The following RFX7 variants were observed in gnomAD, a reference collection of about 807,000 sequenced individuals.
RFX7 encodes DNA-binding protein RFX7.
In RFX7, 26 loss-of-function variants were observed where a neutral mutation model predicts 111.8. That is an observed-to-expected ratio of 0.23 (90% CI 0.17 to 0.32). The LOEUF is 0.32. RFX7 is among the 10% of genes least tolerant of loss of function. RFX7 has a pLI of 1.00. For synonymous variants in RFX7, 624 were observed against 624.4 expected, an observed-to-expected ratio of 1.00 and a Z score of 0.01; for missense variants, 1,573 against 1,772.9, an observed-to-expected ratio of 0.89 and a Z score of 2.02.
chr15:56,227,998 T>C (rs569821423), intron 2 of RFX7, among the ~76,000 whole-genome samples: 1 of 152,278 alleles, frequency 6.6e-6, no homozygotes, highest in Non-Finnish European at 1.5e-5. Flanking sequence ...TTGGCGGTTT[T>C]ACTTTCTTTT....
chr15:56,220,524 C>T (rs761956871), intron 2 of RFX7, among the ~76,000 whole-genome samples: 3 of 150,366 alleles, frequency 2.0e-5, no homozygotes, highest in Non-Finnish European at 4.4e-5. Context: ...AGCCACCGCA[C>T]CTAGCCAAAT....
chr15:56,239,735 C>T (rs1393913835), intron 2 of RFX7, among the ~76,000 whole-genome samples: 1 of 152,046 alleles, frequency 6.6e-6, no homozygotes, highest in African/African-American at 2.4e-5. Flanking sequence ...TATGTTACAG[C>T]CTCACTGCAA....
chr15:56,184,997 A>G (rs2043023060), intron 2 of RFX7, among the ~76,000 whole-genome samples: 1 of 152,088 alleles, frequency 6.6e-6, no homozygotes, highest in Non-Finnish European at 1.5e-5. Context: ...ATCAGTTTTT[A>G]TTTTTTGTTT....
In RFX7 at chr15:56,103,537, AT is replaced by A. The variant is rs755063042; in HGVS notation, c.518+16del. On this transcript the variant is annotated intron_variant, in intron 6 of 9. Transcript: ENST00000559447. ...AGAACACAGAGATATTACTAACACC[AT>A]TCTGGTAAAGGATATTTAGATTTGC... 6.6e-7 allele frequency: 1 copy of A among 1,516,540 alleles called. No individual in the cohort carries two copies. The highest frequency in any genetic ancestry group is 1.4e-5 in the African/African-American group (1 of 73,126). The allele number at this position is 1,516,540 out of a possible 1,614,324, so 93.9% of individuals were successfully genotyped here.
chr15:56,140,855 G>A (rs938510339), intron 5 of RFX7, among the ~76,000 whole-genome samples: 9 of 152,186 alleles, frequency 5.9e-5, no homozygotes, highest in Non-Finnish European at 1.5e-5. Context: ...ACCATGTCTT[G>A]CCAAAGGCAG....
rs559357586 is a variant in RFX7, at chr15:56,223,734, T to C, written c.161+19391A>G. On this transcript the variant is annotated intron_variant, in intron 2 of 9. Transcript: ENST00000559447. ...CTTCGGGTATATTTTCTTCTACTTA[T>C]ATATTTGTAACATCTTTCAAGACCA... is the stretch of plus-strand genomic sequence containing the variant. Among the ~76,000 whole-genome samples, 31 of 152,320 alleles carry C rather than the reference T, an allele frequency of 2.0e-4. No homozygotes were observed. In the South Asian group the frequency reaches 5.4e-3, roughly 26 times the overall value.
chr15:56,167,349 C>T (rs2042795326), intron 3 of RFX7, among the ~76,000 whole-genome samples: 1 of 152,032 alleles, frequency 6.6e-6, no homozygotes, highest in Admixed American at 6.6e-5. Context: ...CATTTTAGTC[C>T]CTAACTATAC....
chr15:56,110,206 G>A (rs1176878870), intron 5 of RFX7, among the ~76,000 whole-genome samples: 5 of 118,562 alleles, frequency 4.2e-5, no homozygotes, highest in Admixed American at 1.7e-4. Context: ...CTGCCTGGCC[G>A]CCCCTACTGG....
chr15:56,173,887 G>A (rs181730860), intron 3 of RFX7, among the ~76,000 whole-genome samples: 1 of 152,184 alleles, frequency 6.6e-6, no homozygotes, highest in Admixed American at 6.5e-5. Flanking sequence ...ATGATAAGAT[G>A]ATAGAGAAAA....
chr15:56,169,330 AT>A (rs1194005954), intron 3 of RFX7, among the ~76,000 whole-genome samples: 3 of 152,206 alleles, frequency 2.0e-5, no homozygotes, highest in African/African-American at 4.8e-5. Flanking sequence ...TATGGTGAGC[AT>A]TTATTTTTAA....
At chr15:56,135,962 T>C (rs1268290611) in intron 5 of RFX7, among the ~76,000 whole-genome samples, 21 of 152,192 alleles carry the variant, frequency 1.4e-4, no homozygotes, top group Non-Finnish European at 2.5e-4. Context: ...TCTGTTGTGT[T>C]CCATTGATCT....
chr15:56,174,602 T>C (rs113705319), intron 3 of RFX7, among the ~76,000 whole-genome samples: 2 of 151,516 alleles, frequency 1.3e-5, no homozygotes, highest in Non-Finnish European at 3.0e-5. Context: ...CAAAAATTAG[T>C]TGGACACGGC....
Position 56,103,598 on chromosome 15 carries a change from A to G in RFX7, c.474T>C (p.Phe158=). 4 of 1,607,946 alleles carry G rather than the reference A, an allele frequency of 2.5e-6. No individual in the cohort carries two copies. The highest frequency in any genetic ancestry group is 1.3e-5 in the African/African-American group (1 of 75,002). ...ADFGKIMKNV[F]PNMKARRLGT... Reference sequence around the variant, plus strand: ...CCAAACGACGTGCCTTCATGTTTGGAAAGACGTTTTTCATGATCTTTCCAA... The same window carrying G: ...CCAAACGACGTGCCTTCATGTTTGGGAAGACGTTTTTCATGATCTTTCCAA... The change falls in exon 6 of 10, where the codon TTT becomes TTC. Residue 158 remains phenylalanine (F), a synonymous_variant. Coordinates refer to ENST00000559447, the MANE Select transcript of RFX7 (RefSeq NM_022841.7).
chr15:56,154,702 A>G (rs1343209530), intron 3 of RFX7, among the ~76,000 whole-genome samples: 1 of 151,970 alleles, frequency 6.6e-6, no homozygotes, highest in Non-Finnish European at 1.5e-5. Flanking sequence ...GGGCAATAGT[A>G]TTCAGGACAT....
chr15:56,217,124 A>G (rs2043370316), intron 2 of RFX7, among the ~76,000 whole-genome samples: 1 of 152,330 alleles, frequency 6.6e-6, no homozygotes, highest in Non-Finnish European at 1.5e-5. Context: ...TTCTTTCTAT[A>G]TAGACACATA....
chr15:56,108,929 G>C (rs1253085228), intron 5 of RFX7, among the ~76,000 whole-genome samples: 2 of 152,184 alleles, frequency 1.3e-5, no homozygotes, highest in Non-Finnish European at 2.9e-5. Context: ...AATCATGAAT[G>C]AACTCCCAAT....
At chr15:56,238,366 A>C (rs2141243579) in intron 2 of RFX7, among the ~76,000 whole-genome samples, 1 of 152,328 alleles carries the variant, frequency 6.6e-6, no homozygotes, top group Admixed American at 6.5e-5. Flanking sequence ...GAATTCAGAA[A>C]ACATCCAAAA....
Position 56,093,789 on chromosome 15 carries a change from T to G in RFX7, c.3939A>C (p.Thr1313=), listed in dbSNP as rs1173251836. The change falls in exon 10 of 10, where the codon ACA becomes ACC. Residue 1313 remains threonine (T), a synonymous_variant. Coordinates refer to ENST00000559447, the MANE Select transcript of RFX7 (RefSeq NM_022841.7). The part of the protein sequence containing the change: ...DSSTSVYEFQ[T]PSYLTKSNST... ...TATTACTTTTGGTGAGGTAAGATGGTGTTTGGAACTCATAAACAGAAGTGC... is the reference window on the plus strand; with the variant it reads ...TATTACTTTTGGTGAGGTAAGATGGGGTTTGGAACTCATAAACAGAAGTGC... 1.2e-6 allele frequency: 2 copies of G among 1,613,906 alleles called. No homozygotes were observed. The highest frequency in any genetic ancestry group is 1.7e-6 in the Non-Finnish European group (2 of 1,179,850).
chr15:56,176,764 A>G (rs1194721192), intron 3 of RFX7, among the ~76,000 whole-genome samples: 1 of 152,112 alleles, frequency 6.6e-6, no homozygotes, highest in Non-Finnish European at 1.5e-5. Context: ...AAGGCCTACT[A>G]GTTTTATATC....
Sources: allele counts gnomAD v4.1 joint callset (sites outside exome capture counted in the v4.1 genomes callset), GRCh38; gene constraint gnomAD v4.1.1; transcripts MANE v1.5; gene names NCBI Gene and HGNC (gene_info 2026-07-23, HGNC 2026-07-21).